Variants in GNE observed in about 807,000 individuals in gnomAD.
GNE encodes the protein glucosamine (UDP-N-acetyl)-2-epimerase/N-acetylmannosamine kinase, also known as bifunctional UDP-N-acetylglucosamine 2-epimerase/N-acetylmannosamine kinase.
GNE carries 41 observed loss-of-function variants against 61.8 expected under a neutral mutation model. The observed-to-expected ratio is 0.66, with a 90% CI of 0.52 to 0.86. The LOEUF (loss-of-function observed/expected upper bound fraction) is 0.86. GNE is among the 40% of genes least tolerant of loss of function. The pLI is 0.00. For missense variants in GNE, 608 were observed against 909.1 expected, an observed-to-expected ratio of 0.67 and a Z score of 4.26; for synonymous variants, 264 against 326.4, an observed-to-expected ratio of 0.81 and a Z score of 2.06.
rs1048118078 is a variant in GNE at position 36,258,443 on chromosome 9, G to A, written c.-165C>T. 1.0e-6 allele frequency: 1 copy of A among 985,510 alleles called. No homozygotes were observed. The highest frequency in any genetic ancestry group is 1.2e-6 in the Non-Finnish European group (1 of 829,984). The allele number at this position is 985,510 out of a possible 1,614,324, so 61.0% of individuals were successfully genotyped here. ...TCGGTTTCCGCGCTCGGGCGCGCGG[G>A]TAGACGACTCGTCGCTCGACCTTGT... On this transcript the variant is annotated 5_prime_UTR_variant, in exon 1 of 12. Transcript: ENST00000642385.
chr9:36,229,891 T>C (rs529728071), intron 5 of GNE, among the ~76,000 whole-genome samples: 1 of 152,122 alleles, frequency 6.6e-6, no homozygotes, highest in South Asian at 2.1e-4. Context: ...TATACGTTTA[T>C]TTAAGTGTAG....
chr9:36,252,580 CAAT>C (rs755532472), intron 1 of GNE, among the ~76,000 whole-genome samples: 8 of 152,100 alleles, frequency 5.3e-5, no homozygotes, highest in Non-Finnish European at 5.9e-5. Flanking sequence ...AAAAATACAA[CAAT>C]GTTACCTAGA....
intron 1 of GNE, chr9:36,276,817 G>T (rs1831278022): frequency 2.7e-6 from 3 of 1,096,760 alleles, no homozygotes; most frequent in Non-Finnish European, 4.1e-6. Flanking sequence ...CTTCCTCTTT[G>T]TAATTTTCCT....
intron 5 of GNE, among the ~76,000 whole-genome samples, chr9:36,232,337 CCCCCCCTCCCGA>C (rs1002929139): frequency 2.0e-5 from 2 of 99,814 alleles, no homozygotes; most frequent in Non-Finnish European, 3.9e-5. Flanking sequence ...TGCCCCCCCG[CCCCCCCTCCCGA>C]CATTCCATTC....
Position 36,228,967 on chromosome 9 carries a change from T to G in GNE, c.1070+54A>C. The G allele has an allele frequency of 4.2e-6, 4 of 957,430 alleles. No individual in the cohort carries two copies. The South Asian group carries it at 5.1e-5, about 12-fold the overall frequency. 59.3% of individuals were successfully genotyped at this position (957,430 alleles called of 1,614,324 possible). A position where few individuals can be genotyped will look rare whatever the true frequency, so the allele number is the denominator to read the frequency against. On this transcript the variant is annotated intron_variant, in intron 6 of 11. Coordinates refer to ENST00000642385, the MANE Select transcript of GNE (RefSeq NM_005476.7). ...AACAGTGATTGTAGCTTTAAAATGG[T>G]ACTGAAGGTAGCTCCCCTTTTAAAT... is the stretch of plus-strand genomic sequence containing the variant.
intron 7 of GNE, 104 bp from the exon 8 acceptor site, chr9:36,223,606 G>A (rs903074793): frequency 2.5e-5 from 30 of 1,218,852 alleles, no homozygotes; most frequent in African/African-American, 5.9e-5. Context: ...CTATAGGATG[G>A]CCCCGCAGTC....
intron 3 of GNE, among the ~76,000 whole-genome samples, chr9:36,239,849 T>C (rs1829561551): frequency 6.6e-6 from 1 of 151,872 alleles, no homozygotes; most frequent in Non-Finnish European, 1.5e-5. Flanking sequence ...TATTCCTAAG[T>C]ATTTTATTTT....
chr9:36,232,068 C>G (rs748809635), intron 5 of GNE, among the ~76,000 whole-genome samples: 1 of 152,168 alleles, frequency 6.6e-6, no homozygotes, highest in Non-Finnish European at 1.5e-5. Flanking sequence ...TAGCTCTGCT[C>G]TTTCTCCAAT....
intron 1 of GNE, chr9:36,265,366 C>T (rs929966694): frequency 6.6e-6 from 3 of 453,630 alleles, no homozygotes; most frequent in African/African-American, 4.0e-5. Flanking sequence ...ATGTTGGGAG[C>T]TCTGGGAGCA....
At chr9:36,259,344 C>T (rs1268875079), upstream of GNE, among the ~76,000 whole-genome samples, 1 of 152,180 alleles carries the variant, frequency 6.6e-6, no homozygotes, top group African/African-American at 2.4e-5. Flanking sequence ...CCTGAGTCAC[C>T]ATTGACAAGA....
At position 36,258,411 on chromosome 9, in the gene GNE, C is replaced by T; in HGVS notation, c.-133G>A. 1.0e-6 allele frequency: 1 copy of T among 985,532 alleles called. No individual in the cohort carries two copies. Among genetic ancestry groups the T allele is most frequent in the Non-Finnish European group, 1.2e-6 (1 of 829,986 alleles). The allele number at this position is 985,532 out of a possible 1,614,324, so 61.0% of individuals were successfully genotyped here. On this transcript the variant is annotated 5_prime_UTR_variant, in exon 1 of 12. Transcript: ENST00000642385. ...GCCACGAAGCAGGCAGAGCGCGAGC[C>T]TGCCCCTCGGTTTCCGCGCTCGGGC...
At chr9:36,272,019 C>T (rs1029604100) in intron 1 of GNE, among the ~76,000 whole-genome samples, 17 of 152,182 alleles carry the variant, frequency 1.1e-4, no homozygotes, top group African/African-American at 4.1e-4. Flanking sequence ...TTCTACTCAA[C>T]TGCCTGCACC....
intron 1 of GNE, among the ~76,000 whole-genome samples, chr9:36,250,554 C>T (rs1299693716): frequency 6.6e-6 from 1 of 152,166 alleles, no homozygotes; most frequent in Non-Finnish European, 1.5e-5. Context: ...CAATTCCACC[C>T]CCTAAATATC....
At chr9:36,236,475 C>T (rs1269716555) in intron 4 of GNE, among the ~76,000 whole-genome samples, 2 of 152,186 alleles carry the variant, frequency 1.3e-5, no homozygotes, top group African/African-American at 4.8e-5. Flanking sequence ...GCTGGGATTA[C>T]AGGCATGAGC....
In GNE at chr9:36,246,281, A is replaced by G. The variant is rs1421322802; in HGVS notation, c.366T>C (p.Ser122=). ...GGATTCGGATGTTCATCAAGGCAGC[A>G]GATGTGGCCAGAGCCAGGGCATCAA... ...DRFDALALAT[S]AALMNIRILH... is the part of the protein sequence containing the mutation. Residue 122 remains serine (S), a synonymous_variant, in exon 3 of 12, where the codon TCT becomes TCC. Transcript: ENST00000642385. 2 of 1,614,228 alleles carry G rather than the reference A, an allele frequency of 1.2e-6. No individual in the cohort carries two copies. Among genetic ancestry groups the G allele is most frequent in the Admixed American group, 3.3e-5 (2 of 60,026 alleles).
At chr9:36,219,335 A>C (rs1219788371) in intron 10 of GNE, among the ~76,000 whole-genome samples, 2 of 151,920 alleles carry the variant, frequency 1.3e-5, no homozygotes, top group Non-Finnish European at 2.9e-5. Context: ...ACCTCTTCAG[A>C]ACCCTACTGT....
intron 1 of GNE, among the ~76,000 whole-genome samples, chr9:36,256,340 G>C (rs949412577): frequency 2.0e-4 from 29 of 146,482 alleles, no homozygotes; most frequent in Non-Finnish European, 2.8e-4. Context: ...CGCTTCCTGG[G>C]TTCAAGCGAT....
At chr9:36,273,936 A>G (rs907772128) in intron 1 of GNE, among the ~76,000 whole-genome samples, 2 of 151,972 alleles carry the variant, frequency 1.3e-5, no homozygotes, top group Non-Finnish European at 2.9e-5. Flanking sequence ...CGTCCGGCCA[A>G]TTTGGAACTC....
At position 36,228,932 on chromosome 9, in the gene GNE, A is replaced by G. The variant is rs898528669; in HGVS notation, c.1070+89T>C. Reference sequence around the variant, plus strand: ...TAGGCATAAGAAGGAAAGCTCTGTTAGGATGATTAAACAGTGATTGTAGCT... The same window carrying G: ...TAGGCATAAGAAGGAAAGCTCTGTTGGGATGATTAAACAGTGATTGTAGCT... On this transcript the variant is annotated intron_variant, in intron 6 of 11. Transcript: ENST00000642385. 3.6e-6 allele frequency: 3 copies of G among 838,556 alleles called. No individual in the cohort carries two copies. The African/African-American group carries it at 5.0e-5, about 14-fold the overall frequency. The allele number at this position is 838,556 out of a possible 1,614,324, so 51.9% of individuals were successfully genotyped here. A position where few individuals can be genotyped will look rare whatever the true frequency, so the allele number is the denominator to read the frequency against.
Sources: gnomAD v4.1 joint callset for allele counts (sites outside exome capture counted in the v4.1 genomes callset) on GRCh38, gnomAD v4.1.1 for gene constraint, MANE v1.5 for transcripts, NCBI Gene and HGNC (gene_info 2026-07-23, HGNC 2026-07-21) for gene names.